The following SPTBN1 variants were observed in gnomAD, a reference collection of about 807,000 sequenced individuals.
The protein encoded by SPTBN1 is spectrin beta chain, non-erythrocytic 1.
SPTBN1 carries 32 observed loss-of-function variants against 266.4 expected under a neutral mutation model. That is an observed-to-expected ratio of 0.12 (90% confidence interval 0.09 to 0.16). The LOEUF is 0.16. Ranked by LOEUF, SPTBN1 falls within the 10% of genes least tolerant of loss-of-function variation. The probability of loss-of-function intolerance (pLI) is 1.00; values close to 1 mark genes in which losing one functional copy is unlikely to be tolerated. For synonymous variants in SPTBN1, 1,336 were observed against 1,162.2 expected, an observed-to-expected ratio of 1.15 and a Z score of -3.04; for missense variants, 2,296 against 3,067.1, an observed-to-expected ratio of 0.75 and a Z score of 5.94.
chr2:54,640,518 G>A (rs1208344267), intron 18 of SPTBN1, among the ~76,000 whole-genome samples: 1 of 152,192 alleles, frequency 6.6e-6, no homozygotes, highest in Non-Finnish European at 1.5e-5. Context: ...ACAGTGGAAA[G>A]ATAGAGACCA....
intron 1 of SPTBN1, among the ~76,000 whole-genome samples, chr2:54,460,414 T>C (rs543240080): frequency 3.9e-5 from 6 of 152,188 alleles, no homozygotes; most frequent in Non-Finnish European, 8.8e-5. Flanking sequence ...TATACCATGG[T>C]TTATTTAGAT....
chr2:54,662,013 A>G, intron 32 of SPTBN1: 1 of 985,472 alleles, frequency 1.0e-6, no homozygotes, highest in Non-Finnish European at 1.2e-6. Context: ...ACTTGAAAAT[A>G]GCATTGCTTC....
intron 31 of SPTBN1, 65 bp from the exon 32 acceptor site, chr2:54,659,871 T>C: frequency 1.3e-6 from 2 of 1,567,140 alleles, no homozygotes; most frequent in South Asian, 2.3e-5. Context: ...TCCCACCCTT[T>C]CTTACTGTTT....
chr2:54,637,636 A>G (rs1572726893), intron 17 of SPTBN1, 77 bp from the exon 18 acceptor site: 1 of 1,172,944 alleles, frequency 8.5e-7, no homozygotes, highest in Non-Finnish European at 1.2e-6. Context: ...AATTCAGGAA[A>G]TAAATTGATT....
At chr2:54,612,425 ATC>A in intron 4 of SPTBN1, 91 bp downstream of exon 4, 1 of 1,399,408 alleles carries the variant, frequency 7.1e-7, no homozygotes, top group Non-Finnish European at 9.6e-7. Flanking sequence ...TATCAGAGGG[ATC>A]GGGAAGACCA....
At chr2:54,634,802 A>G (rs1433564460) in intron 17 of SPTBN1, among the ~76,000 whole-genome samples, 1 of 152,240 alleles carries the variant, frequency 6.6e-6, no homozygotes, top group Non-Finnish European at 1.5e-5. Context: ...AAAGAGTACC[A>G]GAACAAAGAC....
At chr2:54,632,872 T>A in intron 17 of SPTBN1, 104 bp downstream of exon 17, 3 of 1,275,984 alleles carry the variant, frequency 2.4e-6, no homozygotes, top group Non-Finnish European at 3.3e-6. Flanking sequence ...AATTTCCCAG[T>A]GGGCAGAATA....
chr2:54,647,220 C>G lies in SPTBN1; in HGVS notation c.4956C>G (p.Ser1652=), dbSNP rs202065280. Residue 1652 remains serine, a synonymous_variant, in exon 24 of 36, where the codon TCC becomes TCG. Coordinates refer to ENST00000356805, the MANE Select transcript of SPTBN1 (RefSeq NM_003128.3). ...ATGCAGAGACCGTGCATCAGCTCTC[C>G]AAGACCAGCCGGGCCCTGGTGGCCG... ...EDYAETVHQL[S]KTSRALVADS... 3 of 1,613,976 alleles carry G rather than the reference C, an allele frequency of 1.9e-6. No individual in the cohort carries two copies. The highest frequency in any genetic ancestry group is 2.5e-6 in the Non-Finnish European group (3 of 1,180,044).
intron 1 of SPTBN1, among the ~76,000 whole-genome samples, chr2:54,522,918 G>A (rs1287474630): frequency 6.6e-6 from 1 of 152,022 alleles, no homozygotes; most frequent in Non-Finnish European, 1.5e-5. Context: ...AACTTATCTG[G>A]GGAGAGGCAT....
intron 3 of SPTBN1, among the ~76,000 whole-genome samples, chr2:54,609,415 A>C (rs529774075): frequency 1.3e-5 from 2 of 152,232 alleles, no homozygotes; most frequent in East Asian, 3.9e-4. Flanking sequence ...TAACATCTGG[A>C]CATCATTTTC....
At chr2:54,486,031 C>A (rs1406731549) in intron 1 of SPTBN1, among the ~76,000 whole-genome samples, 3 of 151,578 alleles carry the variant, frequency 2.0e-5, no homozygotes, top group Non-Finnish European at 4.4e-5. Context: ...CGCCTCTGCC[C>A]GGCCGCCCCT....
At chr2:54,651,499 GCTT>G (rs940951006) in intron 26 of SPTBN1, among the ~76,000 whole-genome samples, 6 of 152,216 alleles carry the variant, frequency 3.9e-5, no homozygotes, top group Non-Finnish European at 7.3e-5. Context: ...AGTACATGGT[GCTT>G]CTTCTTTGGT....
intron 15 of SPTBN1, 56 bp downstream of exon 15, chr2:54,630,085 A>G: frequency 6.3e-7 from 1 of 1,581,764 alleles, no homozygotes; most frequent in South Asian, 1.1e-5. Flanking sequence ...GGGGAGGGTG[A>G]GGTCACTCAT....
intron 2 of SPTBN1, among the ~76,000 whole-genome samples, chr2:54,549,668 G>A (rs1034613809): frequency 2.0e-5 from 3 of 152,164 alleles, no homozygotes; most frequent in African/African-American, 4.8e-5. Context: ...GCTGGACGAC[G>A]GAGGCTGACA....
intron 1 of SPTBN1, among the ~76,000 whole-genome samples, chr2:54,504,204 G>A (rs1323717505): frequency 6.6e-6 from 1 of 152,224 alleles, no homozygotes; most frequent in Non-Finnish European, 1.5e-5. Context: ...AACCTGAAGA[G>A]GCAGAGAGGT....
At chr2:54,550,862 A>G (rs1190613513) in intron 2 of SPTBN1, among the ~76,000 whole-genome samples, 1 of 152,186 alleles carries the variant, frequency 6.6e-6, no homozygotes, top group South Asian at 2.1e-4. Flanking sequence ...GCCTATGCCC[A>G]TGGATGGGGC....
At chr2:54,572,390 T>G (rs981319607) in intron 2 of SPTBN1, among the ~76,000 whole-genome samples, 13 of 152,232 alleles carry the variant, frequency 8.5e-5, no homozygotes, top group African/African-American at 2.4e-4. Context: ...TTTTATGTTG[T>G]GTGACCATAA....
intron 3 of SPTBN1, among the ~76,000 whole-genome samples, chr2:54,607,696 A>G (rs1676938557): frequency 6.6e-6 from 1 of 152,234 alleles, no homozygotes; most frequent in African/African-American, 2.4e-5. Context: ...GCCGTTTTAT[A>G]TAAGCGACTT....
At chr2:54,644,998 C>T (rs1431830760) in intron 20 of SPTBN1, among the ~76,000 whole-genome samples, 1 of 152,182 alleles carries the variant, frequency 6.6e-6, no homozygotes, top group Non-Finnish European at 1.5e-5. Flanking sequence ...ATAAAAATAA[C>T]TGTTTATATT....
Sources: gnomAD v4.1 joint callset for allele counts (sites outside exome capture counted in the v4.1 genomes callset) on GRCh38, gnomAD v4.1.1 for gene constraint, MANE v1.5 for transcripts, NCBI Gene and HGNC (gene_info 2026-07-23, HGNC 2026-07-21) for gene names.